The following GNB5 variants were observed in gnomAD, a reference collection of about 807,000 sequenced individuals.
The protein encoded by GNB5 is G protein subunit beta 5.
A neutral mutation model predicts 55.3 loss-of-function variants in GNB5; 37 were observed. The observed-to-expected ratio is 0.67, with a 90% confidence interval of 0.51 to 0.88. The LOEUF is 0.88. Ranked by LOEUF, GNB5 falls within the 40% of genes least tolerant of loss-of-function variation. The pLI, the probability that GNB5 is intolerant of heterozygous loss-of-function variation, is 0.00. For synonymous variants in GNB5, 219 were observed against 198.5 expected, an observed-to-expected ratio of 1.10 and a Z score of -0.87; for missense variants, 476 against 515.3, an observed-to-expected ratio of 0.92 and a Z score of 0.74.
intron 1 of GNB5, 140 bp from the exon 2 acceptor site, chr15:52,184,834 T>C: frequency 1.7e-6 from 1 of 604,700 alleles, no homozygotes; most frequent in Non-Finnish European, 2.9e-6. Flanking sequence ...ATTTATAACC[T>C]TTCAACTATT....
At chr15:52,186,457 GAA>G (rs2034847804) in intron 1 of GNB5, among the ~76,000 whole-genome samples, 1 of 152,182 alleles carries the variant, frequency 6.6e-6, no homozygotes, top group South Asian at 2.1e-4. Context: ...CCATGCTTAG[GAA>G]AGAGAGAAGG....
At chr15:52,146,736 AT>A (rs60737688) in intron 6 of GNB5, among the ~76,000 whole-genome samples, 62,809 of 110,874 alleles carry the variant, frequency 0.57, 17,932 homozygotes, top group Middle Eastern at 0.69. Context: ...AGCTAATTAG[AT>A]TTTTTTTTTT....
chr15:52,149,725 A>G (rs908074409), intron 5 of GNB5, 159 bp downstream of exon 5: 1 of 711,630 alleles, frequency 1.4e-6, no homozygotes, highest in Non-Finnish European at 2.6e-6. Flanking sequence ...GAGCTGTTCA[A>G]ACACGGATAG....
chr15:52,128,398 C>G (rs994058912), intron 9 of GNB5, 154 bp from the exon 10 acceptor site: 28 of 636,578 alleles, frequency 4.4e-5, no homozygotes, highest in Non-Finnish European at 7.1e-5. Context: ...ATGTCAGGCC[C>G]ACTGATCTCT....
In GNB5 at chr15:52,166,991, G is replaced by A. The variant is rs181295684; in HGVS notation, c.238+12777C>T. 1.1e-3 allele frequency among the ~76,000 whole-genome samples: 169 copies of A among 152,028 alleles called. 1 individual carries two copies. In the South Asian group the frequency reaches 0.011, roughly 10 times the overall value. On this transcript the variant is annotated intron_variant, in intron 3 of 12. Coordinates refer to ENST00000261837, the MANE Select transcript of GNB5 (RefSeq NM_016194.4). The stretch of plus-strand genomic sequence containing the variant: ...TAGACACAATCAGAAATGATAAAGG[G>A]GATATCACCACTGACCCCACAGAAA...
chr15:52,178,987 G>A (rs1440562587), intron 3 of GNB5, among the ~76,000 whole-genome samples: 2 of 152,192 alleles, frequency 1.3e-5, no homozygotes, highest in Non-Finnish European at 2.9e-5. Flanking sequence ...CTGAGGAGGA[G>A]CCCTCTGACA....
chr15:52,180,125 G>A (rs1056540808), intron 2 of GNB5: 2 of 320,490 alleles, frequency 6.2e-6, no homozygotes, highest in African/African-American at 4.4e-5. Flanking sequence ...GAGAGGCAGG[G>A]AGTGTGACGC....
intron 3 of GNB5, among the ~76,000 whole-genome samples, chr15:52,169,548 A>T (rs1469105037): frequency 6.7e-6 from 1 of 149,842 alleles, no homozygotes; most frequent in Admixed American, 6.6e-5. Context: ...CAAAAAAAAA[A>T]AAAAAAAAAA....
chr15:52,124,005 CAAAAAAAA>C (rs56008657), intron 12 of GNB5, among the ~76,000 whole-genome samples: 39 of 84,408 alleles, frequency 4.6e-4, no homozygotes, highest in Middle Eastern at 0.016. Flanking sequence ...ATAGAAAAAC[CAAAAAAAA>C]AAAAAAAAAA....
chr15:52,126,027 C>A lies in GNB5; in HGVS notation c.930G>T (p.Leu310=). Residue 310 remains leucine, a synonymous_variant, in exon 11 of 13, where the codon CTG becomes CTT. Transcript: ENST00000261837. The stretch of plus-strand genomic sequence containing the variant: ...AGATGGCAACCTCCCTATCTGCCCG[C>A]AGGTCATAGAGGCGACACTGGGGAG... The part of the protein sequence containing the change: ...SDDATCRLYD[L]RADREVAIYS... 6.3e-7 allele frequency: 1 copy of A among 1,575,442 alleles called. No homozygotes were observed. Among genetic ancestry groups the A allele is most frequent in the South Asian group, 1.1e-5 (1 of 88,770 alleles).
chr15:52,134,889 A>C (rs2033664010), intron 8 of GNB5, among the ~76,000 whole-genome samples: 1 of 151,930 alleles, frequency 6.6e-6, no homozygotes. Flanking sequence ...TCCCATTTGC[A>C]TACACACTGC....
At chr15:52,125,767 G>A (rs2033408073) in intron 11 of GNB5, 181 bp downstream of exon 11, 1 of 578,212 alleles carries the variant, frequency 1.7e-6, no homozygotes, top group Admixed American at 2.9e-5. Context: ...AGTTGCCTGG[G>A]GCAGGACAAA....
At chr15:52,155,803 G>A (rs890571471) in intron 3 of GNB5, among the ~76,000 whole-genome samples, 1 of 152,226 alleles carries the variant, frequency 6.6e-6, no homozygotes, top group East Asian at 1.9e-4. Context: ...GAGTCCCACT[G>A]CTGGTGGGGT....
At chr15:52,141,076 T>A (rs1290673765) in intron 7 of GNB5, 64 bp downstream of exon 7, 2 of 1,471,686 alleles carry the variant, frequency 1.4e-6, no homozygotes, top group Non-Finnish European at 1.9e-6. Context: ...AAGCTTCCTC[T>A]CCTCTCAGCT....
intron 4 of GNB5, 51 bp downstream of exon 4, chr15:52,153,889 A>T (rs748364254): frequency 1.9e-6 from 3 of 1,538,802 alleles, no homozygotes; most frequent in Non-Finnish European, 2.7e-6. Flanking sequence ...CCTCCCCCTT[A>T]GCTATAAAAT....
intron 3 of GNB5, among the ~76,000 whole-genome samples, chr15:52,161,903 A>G (rs1003380870): frequency 1.3e-4 from 20 of 152,148 alleles, no homozygotes; most frequent in African/African-American, 4.1e-4. Flanking sequence ...GTCTCCCCCA[A>G]CTGCCTCTGC....
chr15:52,180,422 A>T (rs577877755), intron 2 of GNB5: 1 of 152,288 alleles, frequency 6.6e-6, no homozygotes, highest in Non-Finnish European at 1.5e-5. Context: ...TGCTCCCCCA[A>T]CAAGGAACCG....
intron 4 of GNB5, among the ~76,000 whole-genome samples, chr15:52,152,448 C>T (rs893808774): frequency 1.3e-5 from 2 of 151,752 alleles, no homozygotes; most frequent in African/African-American, 2.4e-5. Context: ...CTCAGCCTTC[C>T]GAGTAGCTGG....
intron 3 of GNB5, among the ~76,000 whole-genome samples, chr15:52,156,084 C>T (rs569430096): frequency 5.3e-5 from 8 of 152,278 alleles, no homozygotes; most frequent in East Asian, 3.9e-4. Flanking sequence ...GGAGTTCTGC[C>T]TCCTCTCCCA....
Sources: allele counts gnomAD v4.1 joint callset (sites outside exome capture counted in the v4.1 genomes callset), GRCh38; gene constraint gnomAD v4.1.1; transcripts MANE v1.5; gene names NCBI Gene and HGNC (gene_info 2026-07-23, HGNC 2026-07-21).